The following ANK3 variants were observed in gnomAD, a reference collection of about 807,000 sequenced individuals.
The protein encoded by ANK3 is ankyrin-3.
A neutral mutation model predicts 370.9 loss-of-function variants in ANK3; 57 were observed. The observed-to-expected ratio is 0.15, with a 90% CI of 0.12 to 0.19. The LOEUF (loss-of-function observed/expected upper bound fraction) is 0.19, where lower values mean the gene tolerates loss of function less well. Among genes scored for constraint, ANK3 ranks in the 10% least tolerant of loss-of-function variants. ANK3 has a pLI of 1.00. For missense variants in ANK3, 4,439 were observed against 5,302.1 expected, an observed-to-expected ratio of 0.84 and a Z score of 5.06; for synonymous variants, 1,929 against 1,946.3, an observed-to-expected ratio of 0.99 and a Z score of 0.23.
At chr10:60,395,558 T>TTCTTTC (rs1441542464) in intron 2 of ANK3, among the ~76,000 whole-genome samples, 7 of 73,978 alleles carry the variant, frequency 9.5e-5, no homozygotes, top group Non-Finnish European at 1.7e-4. Flanking sequence ...GCCTCTTTCT[T>TTCTTTC]TCTTTCTTTC....
At position 60,173,005 on chromosome 10, in the gene ANK3, A is replaced by C. The variant is rs779220645; in HGVS notation, c.2284-7T>G. 4 of 1,611,006 alleles carry C rather than the reference A, an allele frequency of 2.5e-6. No homozygotes were observed. The highest frequency in any genetic ancestry group is 3.4e-6 in the Non-Finnish European group (4 of 1,177,428). On this transcript the variant is annotated splice_region_variant and splice_polypyrimidine_tract_variant and intron_variant, in intron 19 of 43. Transcript: ENST00000280772. ...GTAATGGCGTATACCCATTCTGTAG[A>C]AGGAAGATGGAAGAGATGATTCTTA...
chr10:60,476,691 C>G (rs962524113), intron 2 of ANK3, among the ~76,000 whole-genome samples: 5 of 152,048 alleles, frequency 3.3e-5, no homozygotes, highest in Non-Finnish European at 7.4e-5. Context: ...GGATTTACAG[C>G]CAAAACTCTG....
rs137994913 is a variant in ANK3 at position 60,121,291 on chromosome 10, C to T, written c.2842-6960G>A. Among the ~76,000 whole-genome samples the T allele has an allele frequency of 5.2e-3, 769 of 147,700 alleles. 2 individuals carry two copies. The highest frequency in any genetic ancestry group is 9.0e-3 in the Non-Finnish European group (608 of 67,514). On this transcript the variant is annotated intron_variant, in intron 25 of 43. Coordinates refer to ENST00000280772, the MANE Select transcript of ANK3 (RefSeq NM_020987.5). ...TTAAAATAATTGAGTTCATGGAGAT[C>T]GAAAGTAGAAAAATTGTTACCAGAG...
intron 1 of ANK3, among the ~76,000 whole-genome samples, chr10:60,637,129 C>A (rs1292350670): frequency 6.6e-6 from 1 of 152,130 alleles, no homozygotes; most frequent in Non-Finnish European, 1.5e-5. Context: ...AATATTTTTT[C>A]TCTCTTTAAC....
chr10:60,603,511 T>C (rs1365253099), intron 2 of ANK3, among the ~76,000 whole-genome samples: 1 of 152,120 alleles, frequency 6.6e-6, no homozygotes. Flanking sequence ...TTCAAAAACA[T>C]TTACATCAGT....
chr10:60,593,619 T>C (rs997601268), intron 2 of ANK3, among the ~76,000 whole-genome samples: 92 of 152,312 alleles, frequency 6.0e-4, no homozygotes, highest in African/African-American at 2.1e-3. Context: ...GTATGAACAA[T>C]GTTTATTCAT....
At chr10:60,255,427 C>A (rs1041398852) in intron 7 of ANK3, among the ~76,000 whole-genome samples, 1 of 152,204 alleles carries the variant, frequency 6.6e-6, no homozygotes, top group African/African-American at 2.4e-5. Context: ...ACATGGTAAG[C>A]ACCTGGGGAC....
rs184042341 is a variant in ANK3 at position 60,119,131 on chromosome 10, A to C, written c.2842-4800T>G. ...AGGTACCTTAGTGCTTTCTCTTCTG[A>C]GTTTTGTGGTTTCCTCAGGTTTATG... On this transcript the variant is annotated intron_variant, in intron 25 of 43. Transcript: ENST00000280772. 1.6e-3 allele frequency among the ~76,000 whole-genome samples: 244 copies of C among 152,326 alleles called. 2 individuals carry two copies. Among genetic ancestry groups the C allele is most frequent in the Middle Eastern group, 3.4e-3 (1 of 294 alleles).
intron 1 of ANK3, among the ~76,000 whole-genome samples, chr10:60,310,188 G>T (rs1262687279): frequency 6.6e-6 from 1 of 152,056 alleles, no homozygotes; most frequent in African/African-American, 2.4e-5. Flanking sequence ...GCCTCCCAGA[G>T]TGGTGGGAAT....
At chr10:60,550,060 G>T (rs2077054906) in intron 2 of ANK3, among the ~76,000 whole-genome samples, 1 of 152,020 alleles carries the variant, frequency 6.6e-6, no homozygotes, top group Admixed American at 6.6e-5. Flanking sequence ...CAAACTGAAA[G>T]AACAGACCTG....
chr10:60,071,897 G>C lies in ANK3; in HGVS notation c.8984C>G (p.Ser2995Cys). 1 of 1,614,018 alleles carries C rather than the reference G, an allele frequency of 6.2e-7. No homozygotes were observed. Residue 2995 changes from serine (S) to cysteine (C), a missense_variant, in exon 37 of 44, where the codon TCC becomes TGC. Coordinates refer to ENST00000280772, the MANE Select transcript of ANK3 (RefSeq NM_020987.5). Reference protein sequence around the residue: ...FPKHELSQKLSQSSMSKETVE... With the variant: ...FPKHELSQKLCQSSMSKETVE... ...TGTCTCTTTACTCATGCTTGACTGGGACAATTTTTGTGATAGTTCATGTTT... is the reference window on the plus strand; with the variant it reads ...TGTCTCTTTACTCATGCTTGACTGGCACAATTTTTGTGATAGTTCATGTTT...
chr10:60,085,948 T>A (rs1379447601), intron 30 of ANK3, among the ~76,000 whole-genome samples: 3 of 152,182 alleles, frequency 2.0e-5, no homozygotes, highest in Non-Finnish European at 4.4e-5. Flanking sequence ...ACTACCAAAG[T>A]TAAGAAACAG....
intron 2 of ANK3, among the ~76,000 whole-genome samples, chr10:60,526,482 G>A (rs531089874): frequency 1.3e-5 from 2 of 152,180 alleles, no homozygotes; most frequent in East Asian, 3.9e-4. Flanking sequence ...ATTTTACAGT[G>A]ACTCATAAAA....
intron 1 of ANK3, among the ~76,000 whole-genome samples, chr10:60,630,751 T>C (rs2078470699): frequency 1.3e-5 from 2 of 151,892 alleles, no homozygotes; most frequent in African/African-American, 4.8e-5. Flanking sequence ...CAGAGGTCAG[T>C]GGGGGTAAAG....
At chr10:60,713,309 G>GA (rs770799185) in intron 1 of ANK3, among the ~76,000 whole-genome samples, 41 of 151,930 alleles carry the variant, frequency 2.7e-4, no homozygotes, top group Admixed American at 4.6e-4. Context: ...AAAGATAACT[G>GA]AAAAAAATCT....
chr10:60,658,489 C>T (rs2078895507), intron 1 of ANK3, among the ~76,000 whole-genome samples: 1 of 151,952 alleles, frequency 6.6e-6, no homozygotes, highest in South Asian at 2.1e-4. Flanking sequence ...CACACACATC[C>T]TTAGAACTAT....
chr10:60,319,020 C>T (rs1343170117), intron 1 of ANK3, among the ~76,000 whole-genome samples: 1 of 152,168 alleles, frequency 6.6e-6, no homozygotes, highest in African/African-American at 2.4e-5. Flanking sequence ...CCTTGCAGAG[C>T]CTAATGTACT....
intron 1 of ANK3, among the ~76,000 whole-genome samples, chr10:60,725,359 A>T (rs929869991): frequency 6.6e-6 from 1 of 152,172 alleles, no homozygotes; most frequent in Admixed American, 6.5e-5. Flanking sequence ...ACAACCTTGG[A>T]CATGTCCTCT....
intron 1 of ANK3, among the ~76,000 whole-genome samples, chr10:60,307,217 A>C (rs921250065): frequency 3.3e-5 from 5 of 152,242 alleles, no homozygotes; most frequent in Admixed American, 6.5e-5. Context: ...CAGTTGTCAG[A>C]GACTGTTTGG....
Sources: allele counts gnomAD v4.1 joint callset (sites outside exome capture counted in the v4.1 genomes callset), GRCh38; gene constraint gnomAD v4.1.1; transcripts MANE v1.5; gene names NCBI Gene and HGNC (gene_info 2026-07-23, HGNC 2026-07-21).